The following RFX3 variants were observed in gnomAD, a reference collection of about 807,000 sequenced individuals.
The protein encoded by RFX3 is regulatory factor X3.
RFX3 carries 14 observed loss-of-function variants against 98.6 expected under a neutral mutation model. That is an observed-to-expected ratio of 0.14 (90% CI 0.09 to 0.22). The LOEUF is 0.22. Among genes scored for constraint, RFX3 ranks in the 10% least tolerant of loss-of-function variants. The pLI, the probability that RFX3 is intolerant of heterozygous loss-of-function variation, is 1.00. For missense variants in RFX3, 639 were observed against 926.9 expected (o/e 0.69, Z 4.03); for synonymous variants, 383 against 328.4 (o/e 1.17, Z -1.80).
rs1220260689 is a variant in RFX3, at chr9:3,219,309, G to A, written c.*5733C>T. On this transcript the variant is annotated 3_prime_UTR_variant, in exon 17 of 17. Coordinates refer to ENST00000617270, the MANE Select transcript of RFX3 (RefSeq NM_001282116.2). ...TTTACTTGGTTATCAACAGTCAATG[G>A]GAGTTTTTATATTTTCTTTCCTCCC... The A allele has an allele frequency of 1.3e-5, 2 of 151,872 alleles. No individual in the cohort carries two copies. Among genetic ancestry groups the A allele is most frequent in the African/African-American group, 4.8e-5 (2 of 41,354 alleles). The allele number at this position is 151,872 out of a possible 1,614,324, so 9.4% of individuals were successfully genotyped here. A position where few individuals can be genotyped will look rare whatever the true frequency, so the allele number is the denominator to read the frequency against.
At chr9:3,486,849 A>T (rs1220334983) in intron 1 of RFX3, among the ~76,000 whole-genome samples, 1 of 152,194 alleles carries the variant, frequency 6.6e-6, no homozygotes, top group Non-Finnish European at 1.5e-5. Flanking sequence ...TTCTATGTGC[A>T]CATAAGTAAT....
At chr9:3,397,709 A>T (rs1305775760) in intron 1 of RFX3, among the ~76,000 whole-genome samples, 3 of 152,120 alleles carry the variant, frequency 2.0e-5, no homozygotes, top group African/African-American at 7.2e-5. Flanking sequence ...TTATTTTCTC[A>T]TTCTTTTGTT....
chr9:3,430,139 G>C (rs956514762), intron 1 of RFX3, among the ~76,000 whole-genome samples: 1 of 152,066 alleles, frequency 6.6e-6, no homozygotes, highest in Non-Finnish European at 1.5e-5. Context: ...ACGAGAAAAG[G>C]GTATGTAAGA....
At chr9:3,227,849 C>A (rs562734436) in intron 16 of RFX3, among the ~76,000 whole-genome samples, 1 of 152,134 alleles carries the variant, frequency 6.6e-6, no homozygotes, top group Non-Finnish European at 1.5e-5. Context: ...CATTTCCCTG[C>A]GCTGCTAGTG....
rs981281268 is a variant in RFX3 at position 3,366,707 on chromosome 9, T to TTTCTTTCTTTCTTTC, written c.118-19958_118-19944dup. Among the ~76,000 whole-genome samples the TTTCTTTCTTTCTTTC allele has an allele frequency of 8.0e-5, 10 of 125,218 alleles. No individual in the cohort carries two copies. In the East Asian group the frequency reaches 2.1e-3, roughly 26 times the overall value. 82.1% of individuals were successfully genotyped at this position (125,218 alleles called of 152,430 possible). A position where few individuals can be genotyped will look rare whatever the true frequency, so the allele number is the denominator to read the frequency against. On this transcript the variant is annotated intron_variant, in intron 2 of 16. Coordinates refer to ENST00000617270, the MANE Select transcript of RFX3 (RefSeq NM_001282116.2). ...CTTCTTTCTTTCCTTTCTTTCTTTC[T>TTTCTTTCTTTCTTTC]TTCTTTCTTTCTTTCTTTCTTTCTT...
Position 3,525,759 on chromosome 9 carries a change from T to G in RFX3, c.-21A>C. 2 of 337,186 alleles carry G rather than the reference T, an allele frequency of 5.9e-6. No individual in the cohort carries two copies. The highest frequency in any genetic ancestry group is 8.4e-6 in the Non-Finnish European group (2 of 237,032). 20.9% of individuals were successfully genotyped at this position (337,186 alleles called of 1,614,324 possible). A position where few individuals can be genotyped will look rare whatever the true frequency, so the allele number is the denominator to read the frequency against. On this transcript the variant is annotated 5_prime_UTR_variant, in exon 1 of 17. Coordinates refer to ENST00000617270, the MANE Select transcript of RFX3 (RefSeq NM_001282116.2). ...GAAGAATATTCACCTTGGCTGTGGA[T>G]TATTGTGGTGTTGTTGGTGGGTGAT...
chr9:3,452,735 T>C (rs1193783491), intron 1 of RFX3, among the ~76,000 whole-genome samples: 2 of 152,222 alleles, frequency 1.3e-5, no homozygotes, highest in African/African-American at 4.8e-5. Context: ...TTTTTTACTA[T>C]GTGTATGCAT....
At chr9:3,334,418 G>T (rs1254844372) in intron 3 of RFX3, among the ~76,000 whole-genome samples, 2 of 152,124 alleles carry the variant, frequency 1.3e-5, no homozygotes, top group Non-Finnish European at 2.9e-5. Context: ...CATCCCAAGG[G>T]ATCACTGCAG....
chr9:3,408,763 C>T (rs1403366341), intron 1 of RFX3, among the ~76,000 whole-genome samples: 1 of 152,136 alleles, frequency 6.6e-6, no homozygotes, highest in Admixed American at 6.6e-5. Context: ...ATGGCTCCAA[C>T]TTGGCTTATA....
intron 1 of RFX3, among the ~76,000 whole-genome samples, chr9:3,483,060 C>T (rs981261671): frequency 6.6e-6 from 1 of 152,148 alleles, no homozygotes; most frequent in East Asian, 1.9e-4. Flanking sequence ...GTTTATTTTG[C>T]ATTATGCCAG....
intron 2 of RFX3, among the ~76,000 whole-genome samples, chr9:3,366,693 CCTTT>C (rs1202997871): frequency 0.12 from 9,863 of 85,354 alleles, 611 homozygotes; most frequent in Non-Finnish European, 0.12. Flanking sequence ...TTCTTTCTTT[CCTTT>C]CTTTCTTTCT....
chr9:3,225,422 T>C, intron 16 of RFX3, 142 bp from the exon 17 acceptor site: 1 of 1,285,390 alleles, frequency 7.8e-7, no homozygotes, highest in Non-Finnish European at 1.0e-6. Flanking sequence ...TTAGAGGTTT[T>C]CTTTTCATCA....
rs183074122 is a variant in RFX3 at position 3,509,481 on chromosome 9, A to G, written c.-9+16266T>C. Among the ~76,000 whole-genome samples, 6 of 152,134 alleles carry G rather than the reference A, an allele frequency of 3.9e-5. No individual in the cohort carries two copies. In the East Asian group the frequency reaches 9.6e-4, roughly 24 times the overall value. On this transcript the variant is annotated intron_variant, in intron 1 of 16. Transcript: ENST00000617270. ...TTATGACATACATCATTAATTCCCAATAAGAGGAAATACAAATAATAGGAA... is the reference window on the plus strand; with the variant it reads ...TTATGACATACATCATTAATTCCCAGTAAGAGGAAATACAAATAATAGGAA...
intron 6 of RFX3, 98 bp downstream of exon 6, chr9:3,292,979 T>G: frequency 1.1e-6 from 1 of 920,458 alleles, no homozygotes; most frequent in Non-Finnish European, 1.6e-6. Flanking sequence ...TTTCCTTATA[T>G]ATTGTCTGTA....
At chr9:3,490,224 C>G in intron 1 of RFX3, 1 of 581,070 alleles carries the variant, frequency 1.7e-6, no homozygotes, top group Non-Finnish European at 2.2e-6. Flanking sequence ...TCTGAAAATA[C>G]TCTGTATTAT....
intron 4 of RFX3, among the ~76,000 whole-genome samples, chr9:3,316,771 G>C (rs1256492079): frequency 1.3e-5 from 2 of 152,152 alleles, no homozygotes; most frequent in African/African-American, 4.8e-5. Flanking sequence ...ATTCACAATT[G>C]CATCAAAGAG....
At chr9:3,346,293 A>T (rs997355077) in intron 3 of RFX3, among the ~76,000 whole-genome samples, 3 of 152,192 alleles carry the variant, frequency 2.0e-5, no homozygotes, top group Non-Finnish European at 4.4e-5. Flanking sequence ...ATATTCATTT[A>T]CATGCAAATA....
intron 1 of RFX3, 22 bp from the exon 2 acceptor site, chr9:3,395,618 T>C (rs1307711516): frequency 6.2e-7 from 1 of 1,609,766 alleles, no homozygotes; most frequent in Non-Finnish European, 8.5e-7. Flanking sequence ...TAAAATGAAA[T>C]TAAAGTTTAA....
In RFX3 at chr9:3,263,098, C is replaced by G. The variant is rs778419626; in HGVS notation, c.1456-14G>C. On this transcript the variant is annotated splice_polypyrimidine_tract_variant and intron_variant, in intron 12 of 16. Transcript: ENST00000617270. The stretch of plus-strand genomic sequence containing the variant: ...TACAGCGGCAACCTGTAACGCAATC[C>G]AATTAAGTTGGGATTCTGTTTCCTC... The G allele has an allele frequency of 1.2e-6, 2 of 1,610,268 alleles. No individual in the cohort carries two copies. Among genetic ancestry groups the G allele is most frequent in the Non-Finnish European group, 1.7e-6 (2 of 1,178,056 alleles).
Sources: gnomAD v4.1 joint callset for allele counts (sites outside exome capture counted in the v4.1 genomes callset) on GRCh38, gnomAD v4.1.1 for gene constraint, MANE v1.5 for transcripts, NCBI Gene and HGNC (gene_info 2026-07-23, HGNC 2026-07-21) for gene names.